XIRP2: variants seen among roughly 807,000 people sequenced by gnomAD.
The protein encoded by XIRP2 is xin actin-binding repeat-containing protein 2.
Under a neutral mutation model 277.0 loss-of-function variants are expected in XIRP2, and 236 were observed. The ratio of observed to expected loss-of-function variants is 0.85; its 90% CI spans 0.77 to 0.95. The LOEUF (loss-of-function observed/expected upper bound fraction) is 0.95, where lower values mean the gene tolerates loss of function less well. Ranked by LOEUF, XIRP2 falls within the 40% of genes least tolerant of loss-of-function variation. The probability of loss-of-function intolerance (pLI) is 0.00; values close to 1 mark genes in which losing one functional copy is unlikely to be tolerated. For synonymous variants in XIRP2, 1,490 were observed against 1,416.5 expected (o/e 1.05, Z -1.17); for missense variants, 4,640 against 4,157.5 (o/e 1.12, Z -3.19).
chr2:167,131,960 G>A (rs946545249), intron 2 of XIRP2, among the ~76,000 whole-genome samples: 2 of 151,952 alleles, frequency 1.3e-5, no homozygotes, highest in African/African-American at 2.4e-5. Flanking sequence ...GCATGCCATA[G>A]AGAAAAATTA....
chr2:167,130,033 G>C (rs1691329310), intron 2 of XIRP2, among the ~76,000 whole-genome samples: 1 of 151,950 alleles, frequency 6.6e-6, no homozygotes, highest in African/African-American at 2.4e-5. Flanking sequence ...TTAAGCGAGA[G>C]ACTCCACCAG....
intron 3 of XIRP2, among the ~76,000 whole-genome samples, chr2:167,154,539 T>A (rs1341967134): frequency 1.3e-5 from 2 of 151,932 alleles, no homozygotes; most frequent in Non-Finnish European, 1.5e-5. Flanking sequence ...TCTATGGTTT[T>A]AGGTCTAACA....
At chr2:167,088,848 A>G (rs1423830495) in intron 2 of XIRP2, among the ~76,000 whole-genome samples, 1 of 152,078 alleles carries the variant, frequency 6.6e-6, no homozygotes, top group Non-Finnish European at 1.5e-5. Flanking sequence ...AAAAGCATTC[A>G]CTATGCCCCA....
At chr2:167,115,439 C>T (rs1227810948) in intron 2 of XIRP2, among the ~76,000 whole-genome samples, 2 of 152,142 alleles carry the variant, frequency 1.3e-5, no homozygotes, top group African/African-American at 4.8e-5. Context: ...GCTTTTTGAG[C>T]TGCCAGAGTC....
Position 167,136,050 on chromosome 2 carries a change from C to T in XIRP2, c.550C>T (p.Arg184Cys), listed in dbSNP as rs369322473. 23 of 1,602,040 alleles carry T rather than the reference C, an allele frequency of 1.4e-5. No individual in the cohort carries two copies. The Middle Eastern group carries it at 5.0e-4, about 35-fold the overall frequency. ...DKMSPESGHS[R>C]IFEATAGPNK... is the part of the protein sequence containing the mutation. Reference sequence around the variant, plus strand: ...GATGTCACCTGAAAGTGGTCACAGCCGCATCTTTGAAGGTTAGCATAACAT... The same window carrying T: ...GATGTCACCTGAAAGTGGTCACAGCTGCATCTTTGAAGGTTAGCATAACAT... The change falls in exon 3 of 11, where the codon CGC becomes TGC. Residue 184 changes from arginine to cysteine, a missense_variant. Transcript: ENST00000409195.
intron 2 of XIRP2, among the ~76,000 whole-genome samples, chr2:167,063,456 A>G (rs927499681): frequency 5.9e-5 from 9 of 151,838 alleles, no homozygotes; most frequent in African/African-American, 2.2e-4. Flanking sequence ...TTTATATCCT[A>G]TTGGTTTTCT....
rs369684306 is a variant in XIRP2, at chr2:167,247,617, A to G, written c.6225A>G (p.Arg2075=). Residue 2075 remains arginine (R), a synonymous_variant, in exon 9 of 11, where the codon AGA becomes AGG. Coordinates refer to ENST00000409195, the MANE Select transcript of XIRP2 (RefSeq NM_152381.6). ...WTDTTGEQHL[R]DEYMSRQLTS... The stretch of plus-strand genomic sequence containing the variant: ...ATACTACAGGAGAACAGCATCTTAG[A>G]GATGAATATATGAGCAGACAATTAA... The G allele has an allele frequency of 1.2e-6, 2 of 1,613,732 alleles. No homozygotes were observed. The highest frequency in any genetic ancestry group is 1.3e-5 in the African/African-American group (1 of 75,026).
chr2:167,229,238 C>A (rs1438529077), intron 5 of XIRP2, among the ~76,000 whole-genome samples: 1 of 152,010 alleles, frequency 6.6e-6, no homozygotes, highest in Admixed American at 6.6e-5. Context: ...TTTGCTATTG[C>A]CCTTTCTATC....
chr2:166,891,448 T>C (rs982418758), intron 1 of XIRP2, among the ~76,000 whole-genome samples: 1 of 152,184 alleles, frequency 6.6e-6, no homozygotes, highest in Non-Finnish European at 1.5e-5. Context: ...AAACCTAGCA[T>C]AGCTGGAGAA....
intron 2 of XIRP2, among the ~76,000 whole-genome samples, chr2:167,088,237 C>T (rs1690022774): frequency 6.6e-6 from 1 of 152,028 alleles, no homozygotes; most frequent in South Asian, 2.1e-4. Context: ...CTGCACCATC[C>T]CCTAAAGCAG....
intron 3 of XIRP2, among the ~76,000 whole-genome samples, chr2:167,148,631 T>A (rs530988490): frequency 6.6e-6 from 1 of 152,138 alleles, no homozygotes; most frequent in East Asian, 2.0e-4. Flanking sequence ...TCCCAACTCT[T>A]CAGTGGAAAG....
intron 2 of XIRP2, among the ~76,000 whole-genome samples, chr2:167,005,168 T>C (rs1019432250): frequency 1.3e-5 from 2 of 151,932 alleles, no homozygotes; most frequent in Non-Finnish European, 2.9e-5. Flanking sequence ...GTTTTTCCAA[T>C]TTTTCTGAGA....
intron 2 of XIRP2, among the ~76,000 whole-genome samples, chr2:166,956,475 T>C (rs931587954): frequency 6.6e-6 from 1 of 151,856 alleles, no homozygotes; most frequent in Non-Finnish European, 1.5e-5. Flanking sequence ...TGACTGCACA[T>C]GCATATGAGT....
chr2:167,136,241 T>A lies in XIRP2; in HGVS notation c.562+179T>A, dbSNP rs1043737891. On this transcript the variant is annotated intron_variant, in intron 3 of 10. Transcript: ENST00000409195. ...TGTTTATAAATGCTTCTATCCTTAT[T>A]ATATTTTAATTAGATTTTTAAAACT... Among the ~76,000 whole-genome samples, 35 of 152,280 alleles carry A rather than the reference T, an allele frequency of 2.3e-4. 1 individual carries two copies. The highest frequency in any genetic ancestry group is 6.8e-3 in the Middle Eastern group (2 of 294).
At chr2:166,922,182 A>G (rs1203181419) in intron 2 of XIRP2, among the ~76,000 whole-genome samples, 1 of 152,124 alleles carries the variant, frequency 6.6e-6, no homozygotes, top group East Asian at 1.9e-4. Context: ...ATATGCAGCT[A>G]GCTTCAGAAG....
chr2:166,921,988 G>A (rs755245678), intron 2 of XIRP2, among the ~76,000 whole-genome samples: 4 of 152,142 alleles, frequency 2.6e-5, no homozygotes, highest in Non-Finnish European at 5.9e-5. Flanking sequence ...AAATGTGCAA[G>A]AAACAGATAT....
chr2:167,045,732 T>C (rs989661761), intron 2 of XIRP2, among the ~76,000 whole-genome samples: 3 of 151,704 alleles, frequency 2.0e-5, no homozygotes, highest in Non-Finnish European at 4.4e-5. Flanking sequence ...AGTCACAAAA[T>C]ACATGTCGGC....
chr2:167,150,504 C>T (rs1249475851), intron 3 of XIRP2, among the ~76,000 whole-genome samples: 4 of 151,766 alleles, frequency 2.6e-5, no homozygotes, highest in Non-Finnish European at 5.9e-5. Context: ...AGTTTAAATG[C>T]CAATTACATA....
rs1043223434 is a variant in XIRP2 at position 167,170,449 on chromosome 2, G to C, written c.562+34387G>C. On this transcript the variant is annotated intron_variant, in intron 3 of 10. Transcript: ENST00000409195. ...CATATACACTTGGATATTTTTCAGT[G>C]GGGAGATAATTTAAATTAAAATTAC... 6.6e-5 allele frequency among the ~76,000 whole-genome samples: 10 copies of C among 152,162 alleles called. No homozygotes were observed. The East Asian group carries it at 1.9e-3, about 29-fold the overall frequency.
Sources: allele counts gnomAD v4.1 joint callset (sites outside exome capture counted in the v4.1 genomes callset), GRCh38; gene constraint gnomAD v4.1.1; transcripts MANE v1.5; gene names NCBI Gene and HGNC (gene_info 2026-07-23, HGNC 2026-07-21).